PCDHA11: variants seen among roughly 807,000 people sequenced by gnomAD.
PCDHA11 encodes protocadherin alpha 11.
PCDHA11 carries 61 observed loss-of-function variants against 70.3 expected under a neutral mutation model. The ratio of observed to expected loss-of-function variants is 0.87; its 90% CI spans 0.71 to 1.07. PCDHA11 has a LOEUF of 1.07. PCDHA11 is among the 50% of genes least tolerant of loss of function. The pLI is 0.00. For synonymous variants in PCDHA11, 633 were observed against 555.1 expected (o/e 1.14, Z -1.97); for missense variants, 1,324 against 1,237.5 (o/e 1.07, Z -1.05).
At chr5:141,009,389 G>A (rs1234679148) in intron 3 of PCDHA11, among the ~76,000 whole-genome samples, 1 of 152,178 alleles carries the variant, frequency 6.6e-6, no homozygotes, top group Non-Finnish European at 1.5e-5. Context: ...AGCACAGGAG[G>A]TCGAGGCTGC....
intron 1 of PCDHA11, chr5:140,968,123 C>A: frequency 6.2e-7 from 1 of 1,614,178 alleles, no homozygotes; most frequent in Non-Finnish European, 8.5e-7. Context: ...CACATCCCTG[C>A]GTACACTGAA....
chr5:140,895,166 C>T (rs1319581978), intron 1 of PCDHA11, among the ~76,000 whole-genome samples: 1 of 152,138 alleles, frequency 6.6e-6, no homozygotes, highest in Non-Finnish European at 1.5e-5. Context: ...ACAATCCAAT[C>T]TATTTGTAGT....
In PCDHA11 at chr5:140,870,675, C is replaced by T. The variant is rs1554164570; in HGVS notation, c.1572C>T (p.His524=). Residue 524 remains histidine (H), a synonymous_variant, in exon 1 of 4, where the codon CAC becomes CAT. Coordinates refer to ENST00000398640, the MANE Select transcript of PCDHA11 (RefSeq NM_018902.5). ...GKVYALQPLD[H]EELELLQFQV... is the part of the protein sequence containing the mutation. Reference sequence around the variant, plus strand: ...TGTACGCGCTGCAGCCGTTGGACCACGAGGAGCTGGAGCTGCTACAGTTCC... The same window carrying T: ...TGTACGCGCTGCAGCCGTTGGACCATGAGGAGCTGGAGCTGCTACAGTTCC... 1 of 1,612,672 alleles carries T rather than the reference C, an allele frequency of 6.2e-7. No homozygotes were observed.
intron 1 of PCDHA11, chr5:140,926,870 G>A: frequency 6.6e-7 from 1 of 1,524,514 alleles, no homozygotes; most frequent in South Asian, 1.3e-5. Context: ...CGTGTTGGTG[G>A]AACGTGGACG....
At chr5:140,962,546 G>A (rs2095690873) in intron 1 of PCDHA11, among the ~76,000 whole-genome samples, 7 of 152,094 alleles carry the variant, frequency 4.6e-5, no homozygotes, top group Admixed American at 4.6e-4. Flanking sequence ...TAAAAATGTA[G>A]AGGATCTCCC....
intron 1 of PCDHA11, among the ~76,000 whole-genome samples, chr5:140,932,779 G>T (rs556279743): frequency 3.9e-5 from 6 of 151,910 alleles, no homozygotes; most frequent in Non-Finnish European, 8.9e-5. Context: ...TAATTTGAGT[G>T]GACATAAGAG....
chr5:140,876,560 C>T (rs2056422143), intron 1 of PCDHA11: 2 of 1,614,068 alleles, frequency 1.2e-6, no homozygotes, highest in African/African-American at 2.7e-5. Flanking sequence ...CAAGAGGATG[C>T]TCAGGTGGGT....
intron 1 of PCDHA11, among the ~76,000 whole-genome samples, chr5:140,952,977 C>G (rs148504111): frequency 6.6e-6 from 1 of 152,064 alleles, no homozygotes; most frequent in East Asian, 1.9e-4. Flanking sequence ...TTTTAAACAA[C>G]AAGATCTCAT....
intron 1 of PCDHA11, among the ~76,000 whole-genome samples, chr5:140,901,078 T>TAAA (rs1554189579): frequency 6.6e-6 from 1 of 152,120 alleles, no homozygotes; most frequent in East Asian, 1.9e-4. Flanking sequence ...TTCTATAGAG[T>TAAA]TGTTTGAGCT....
At chr5:140,973,984 C>CT (rs2096610197) in intron 1 of PCDHA11, among the ~76,000 whole-genome samples, 1 of 152,186 alleles carries the variant, frequency 6.6e-6, no homozygotes, top group East Asian at 1.9e-4. Flanking sequence ...TTTTACAGAA[C>CT]TTCACCTGGA....
intron 1 of PCDHA11, among the ~76,000 whole-genome samples, chr5:140,885,674 C>A (rs1041500524): frequency 2.1e-4 from 32 of 152,192 alleles, no homozygotes; most frequent in African/African-American, 7.0e-4. Flanking sequence ...AGCACTCTTT[C>A]TATCTCAAGA....
At position 140,884,762 on chromosome 5, in the gene PCDHA11, A is replaced by T. The variant is rs491169; in HGVS notation, c.2391+13268A>T. 4,163 of 1,423,128 alleles carry T rather than the reference A, an allele frequency of 2.9e-3. 95 individuals carry two copies. The African/African-American group carries it at 0.053, about 18-fold the overall frequency. 88.2% of individuals were successfully genotyped at this position (1,423,128 alleles called of 1,614,324 possible). A position where few individuals can be genotyped will look rare whatever the true frequency, so the allele number is the denominator to read the frequency against. On this transcript the variant is annotated intron_variant, in intron 1 of 3. Coordinates refer to ENST00000398640, the MANE Select transcript of PCDHA11 (RefSeq NM_018902.5). ...TCCTGCCAATTTCAAATTATTCTTT[A>T]CTTTAATTTTAATTTTGCTAGTTGT...
In PCDHA11 at chr5:140,871,300, C is replaced by T. The variant is rs1562661811; in HGVS notation, c.2197C>T (p.Pro733Ser). The change falls in exon 1 of 4, where the codon CCG becomes TCG. Residue 733 changes from proline (P) to serine (S), a missense_variant. Transcript: ENST00000398640. ...SATPTEGACA[P>S]GKPTLVCSRA... is the part of the protein sequence containing the mutation. ...AACGCCCACTGAGGGCGCGTGCGCG[C>T]CGGGGAAGCCCACGCTGGTGTGCTC... 2.5e-6 allele frequency: 4 copies of T among 1,613,916 alleles called. No homozygotes were observed. The highest frequency in any genetic ancestry group is 3.4e-6 in the Non-Finnish European group (4 of 1,179,940).
intron 1 of PCDHA11, among the ~76,000 whole-genome samples, chr5:140,872,428 G>C (rs2053656212): frequency 6.6e-6 from 1 of 151,990 alleles, no homozygotes; most frequent in African/African-American, 2.4e-5. Context: ...AGAGTTCGAG[G>C]CCTGCCTGGA....
At chr5:140,880,512 C>T (rs1296325164) in intron 1 of PCDHA11, among the ~76,000 whole-genome samples, 4 of 152,314 alleles carry the variant, frequency 2.6e-5, no homozygotes, top group South Asian at 4.1e-4. Flanking sequence ...TGTTTGGTCA[C>T]ATCTCTCAAT....
intron 2 of PCDHA11, among the ~76,000 whole-genome samples, chr5:140,982,016 A>C (rs2096962660): frequency 6.6e-6 from 1 of 152,260 alleles, no homozygotes; most frequent in African/African-American, 2.4e-5. Context: ...TTAGATAGCC[A>C]AATTGGAACA....
At chr5:140,914,030 G>T (rs2076568173) in intron 1 of PCDHA11, among the ~76,000 whole-genome samples, 1 of 152,298 alleles carries the variant, frequency 6.6e-6, no homozygotes, top group East Asian at 1.9e-4. Flanking sequence ...CACGTGCTGA[G>T]AAGAATGTGT....
chr5:140,986,373 G>A (rs376031401), intron 3 of PCDHA11, among the ~76,000 whole-genome samples: 26 of 152,280 alleles, frequency 1.7e-4, no homozygotes, highest in South Asian at 4.1e-4. Context: ...TGCGTTTTGG[G>A]GGGAGGGACA....
chr5:140,883,835 T>C (rs782244088), intron 1 of PCDHA11: 10 of 1,612,448 alleles, frequency 6.2e-6, no homozygotes, highest in East Asian at 4.5e-5. Flanking sequence ...GCTGCAGCCG[T>C]TGGACCACGA....
Sources: allele counts gnomAD v4.1 joint callset (sites outside exome capture counted in the v4.1 genomes callset), GRCh38; gene constraint gnomAD v4.1.1; transcripts MANE v1.5; gene names NCBI Gene and HGNC (gene_info 2026-07-23, HGNC 2026-07-21).